PCDH15: variants seen among roughly 807,000 people sequenced by gnomAD.
PCDH15 encodes the protein protocadherin related 15, also known as protocadherin-15.
In PCDH15, 129 loss-of-function variants were observed where a neutral mutation model predicts 178.5. The observed-to-expected ratio is 0.72, with a 90% confidence interval of 0.63 to 0.84. PCDH15 has a LOEUF of 0.84. Ranked by LOEUF, PCDH15 falls within the 40% of genes least tolerant of loss-of-function variation. PCDH15 has a pLI of 0.00. For synonymous variants in PCDH15, 800 were observed against 732.0 expected (o/e 1.09, Z -1.50); for missense variants, 2,230 against 2,099.9 (o/e 1.06, Z -1.21).
chr10:55,399,418 G>A (rs937654835), intron 2 of PCDH15, among the ~76,000 whole-genome samples: 5 of 152,088 alleles, frequency 3.3e-5, no homozygotes, highest in South Asian at 2.1e-4. Flanking sequence ...AAATGTGTGC[G>A]AATATTTTCC....
intron 26 of PCDH15, among the ~76,000 whole-genome samples, chr10:53,898,118 C>A (rs529766730): frequency 3.9e-4 from 58 of 149,428 alleles, no homozygotes; most frequent in African/African-American, 1.4e-3. Context: ...AGGTGCCCAC[C>A]ACCACGCCTG....
chr10:54,918,346 A>C (rs984246150), intron 2 of PCDH15, among the ~76,000 whole-genome samples: 2 of 152,216 alleles, frequency 1.3e-5, no homozygotes, highest in Non-Finnish European at 1.5e-5. Context: ...GAGCATAGTC[A>C]AATTATAGGA....
At chr10:55,152,594 T>C (rs1448470996) in intron 2 of PCDH15, among the ~76,000 whole-genome samples, 2 of 152,060 alleles carry the variant, frequency 1.3e-5, no homozygotes, top group African/African-American at 4.8e-5. Flanking sequence ...ATGACACAGG[T>C]CTTATGTGTA....
chr10:55,276,149 A>C (rs1022656348), intron 1 of PCDH15, among the ~76,000 whole-genome samples: 2 of 150,616 alleles, frequency 1.3e-5, no homozygotes, highest in African/African-American at 4.9e-5. Context: ...GTTTTTTTTT[A>C]GTTTTCTACA....
intron 25 of PCDH15, among the ~76,000 whole-genome samples, chr10:53,913,720 G>A (rs1006090912): frequency 1.3e-5 from 2 of 150,602 alleles, no homozygotes; most frequent in African/African-American, 4.9e-5. Context: ...CTCCAGCCTG[G>A]ATGACAGAGC....
At chr10:54,515,935 T>G (rs2082167404) in intron 3 of PCDH15, among the ~76,000 whole-genome samples, 1 of 151,882 alleles carries the variant, frequency 6.6e-6, no homozygotes, top group Admixed American at 6.6e-5. Context: ...CAGCTGAGGG[T>G]CCTAACTGTT....
intron 3 of PCDH15, among the ~76,000 whole-genome samples, chr10:54,514,393 G>A (rs1018070234): frequency 1.7e-4 from 26 of 151,912 alleles, no homozygotes; most frequent in African/African-American, 5.8e-4. Flanking sequence ...AATATATAAA[G>A]TTAGCAATTT....
At chr10:55,159,993 C>T (rs1483440828) in intron 2 of PCDH15, among the ~76,000 whole-genome samples, 1 of 151,680 alleles carries the variant, frequency 6.6e-6, no homozygotes, top group Non-Finnish European at 1.5e-5. Context: ...ATTTGGACAC[C>T]TTTAGGCATC....
At chr10:54,042,687 T>A (rs1222267794) in intron 18 of PCDH15, among the ~76,000 whole-genome samples, 1 of 152,032 alleles carries the variant, frequency 6.6e-6, no homozygotes, top group Admixed American at 6.6e-5. Context: ...CATGTGGAGA[T>A]ATGAAGGCTA....
intron 2 of PCDH15, among the ~76,000 whole-genome samples, chr10:55,621,807 CA>C (rs111829421): frequency 8.6e-5 from 12 of 139,494 alleles, no homozygotes; most frequent in Non-Finnish European, 9.3e-5. Context: ...GTGGTAATTA[CA>C]AAAAAAAAAG....
chr10:54,720,601 C>A (rs75880623), intron 1 of PCDH15, among the ~76,000 whole-genome samples: 2 of 151,714 alleles, frequency 1.3e-5, no homozygotes, highest in Admixed American at 6.6e-5. Flanking sequence ...CCAAGACAAA[C>A]GAAAGGAATT....
chr10:54,769,207 T>C (rs1201974655), intron 1 of PCDH15, among the ~76,000 whole-genome samples: 1 of 152,046 alleles, frequency 6.6e-6, no homozygotes, highest in Non-Finnish European at 1.5e-5. Flanking sequence ...TGTTGAGAAC[T>C]ACAAAGACAC....
intron 3 of PCDH15, among the ~76,000 whole-genome samples, chr10:54,454,720 G>A (rs1448463901): frequency 6.6e-6 from 1 of 152,114 alleles, no homozygotes; most frequent in African/African-American, 2.4e-5. Flanking sequence ...ACATTTCTAA[G>A]TGCAATGACA....
intron 2 of PCDH15, among the ~76,000 whole-genome samples, chr10:55,523,410 C>T (rs1841230031): frequency 6.6e-6 from 1 of 151,404 alleles, no homozygotes; most frequent in Non-Finnish European, 1.5e-5. Context: ...TTCTGGAATA[C>T]AATGTGATGT....
At chr10:54,907,693 T>C (rs1452334401) in intron 2 of PCDH15, among the ~76,000 whole-genome samples, 1 of 152,158 alleles carries the variant, frequency 6.6e-6, no homozygotes, top group Non-Finnish European at 1.5e-5. Flanking sequence ...CCTTAAATAG[T>C]TTATGTCTGT....
chr10:54,753,571 A>G (rs1706046773), intron 1 of PCDH15, among the ~76,000 whole-genome samples: 1 of 152,210 alleles, frequency 6.6e-6, no homozygotes, highest in African/African-American at 2.4e-5. Context: ...TTACCAAGTC[A>G]TTTCATCTCT....
At chr10:55,276,526 T>C (rs933150472) in intron 1 of PCDH15, among the ~76,000 whole-genome samples, 3 of 151,482 alleles carry the variant, frequency 2.0e-5, no homozygotes, top group Admixed American at 1.3e-4. Context: ...TTTAAACAAT[T>C]TTTTTACACT....
At chr10:54,878,805 T>G (rs1300951156) in intron 3 of PCDH15, among the ~76,000 whole-genome samples, 1 of 152,056 alleles carries the variant, frequency 6.6e-6, no homozygotes, top group Non-Finnish European at 1.5e-5. Context: ...TTAGATATTC[T>G]CCTTGATGCT....
At chr10:54,236,718 CAAA>C in intron 9 of PCDH15, 102 bp downstream of exon 9, 1 of 975,722 alleles carries the variant, frequency 1.0e-6, no homozygotes, top group South Asian at 1.4e-5. Flanking sequence ...ACAATCATGT[CAAA>C]TAATAAACTT....
Sources: allele counts gnomAD v4.1 joint callset (sites outside exome capture counted in the v4.1 genomes callset), GRCh38; gene constraint gnomAD v4.1.1; transcripts MANE v1.5; gene names NCBI Gene and HGNC (gene_info 2026-07-23, HGNC 2026-07-21).